The following MGMT variants were observed in gnomAD, a reference collection of about 807,000 sequenced individuals.
MGMT encodes the protein O-6-methylguanine-DNA methyltransferase, also known as methylated-DNA--protein-cysteine methyltransferase.
A neutral mutation model predicts 15.9 loss-of-function variants in MGMT; 14 were observed. That is an observed-to-expected ratio of 0.88 (90% CI 0.58 to 1.37). The LOEUF (loss-of-function observed/expected upper bound fraction) is 1.37, where lower values mean the gene tolerates loss of function less well. Ranked by LOEUF, MGMT falls within the 40% of genes most tolerant of loss-of-function variation. The pLI is 0.00. For missense variants in MGMT, 282 were observed against 268.1 expected (o/e 1.05, Z -0.36); for synonymous variants, 130 against 118.2 (o/e 1.10, Z -0.65).
intron 2 of MGMT, among the ~76,000 whole-genome samples, chr10:129,565,614 G>A (rs184569264): frequency 1.9e-4 from 29 of 152,216 alleles, no homozygotes; most frequent in South Asian, 1.7e-3. Context: ...CTAATTACAC[G>A]GTGTGTACAT....
At chr10:129,695,552 A>C (rs1009665251) in intron 2 of MGMT, among the ~76,000 whole-genome samples, 2 of 152,228 alleles carry the variant, frequency 1.3e-5, no homozygotes, top group Admixed American at 1.3e-4. Flanking sequence ...TTAAATTACG[A>C]TATATTCTCT....
At chr10:129,587,511 G>A (rs1472539738) in intron 2 of MGMT, among the ~76,000 whole-genome samples, 2 of 148,900 alleles carry the variant, frequency 1.3e-5, no homozygotes, top group Non-Finnish European at 3.0e-5. Flanking sequence ...TTTTTTTTGA[G>A]ATGGAGTCTT....
chr10:129,520,484 T>TGGTGCAGGTGCAGAGCCCCTAC (rs1215237003), intron 1 of MGMT, among the ~76,000 whole-genome samples: 14 of 105,916 alleles, frequency 1.3e-4, no homozygotes, highest in African/African-American at 6.4e-4. Flanking sequence ...AGAGCCCCTA[T>TGGTGCAGGTGCAGAGCCCCTAC]GGTGCAGGTG....
At chr10:129,611,642 G>A (rs1206982661) in intron 2 of MGMT, among the ~76,000 whole-genome samples, 1 of 152,184 alleles carries the variant, frequency 6.6e-6, no homozygotes, top group Non-Finnish European at 1.5e-5. Flanking sequence ...TGCAGTTGAG[G>A]TCTCATCCTG....
At position 129,536,332 on chromosome 10, in the gene MGMT, G is replaced by T. The variant is rs1187625712; in HGVS notation, c.80G>T (p.Gly27Val). The change falls in exon 2 of 5, where the codon GGT becomes GTT. Residue 27 changes from glycine to valine, a missense_variant. Physicochemically the swap from Gly to Val is moderately radical, Grantham distance 109. Transcript: ENST00000651593. ...CTGGAGCTGTCTGGTTGTGAGCAGG[G>T]TCTGCACGAAATAAAGCTCCTGGGC... ...GKLELSGCEQGLHEIKLLGKG... is the reference protein window; with the variant it reads ...GKLELSGCEQVLHEIKLLGKG... 3.7e-6 allele frequency: 6 copies of T among 1,614,120 alleles called. No individual in the cohort carries two copies. Among genetic ancestry groups the T allele is most frequent in the Non-Finnish European group, 2.5e-6 (3 of 1,180,044 alleles).
chr10:129,547,600 T>C (rs933293417), intron 2 of MGMT, among the ~76,000 whole-genome samples: 10 of 152,216 alleles, frequency 6.6e-5, no homozygotes, highest in Admixed American at 3.3e-4. Flanking sequence ...ATTACCGTTT[T>C]CTTGCAGTGA....
intron 2 of MGMT, among the ~76,000 whole-genome samples, chr10:129,551,009 A>G (rs972225345): frequency 8.5e-5 from 13 of 152,080 alleles, no homozygotes; most frequent in Non-Finnish European, 1.6e-4. Flanking sequence ...ACATGGAGCC[A>G]TTTCGGGTAG....
intron 2 of MGMT, among the ~76,000 whole-genome samples, chr10:129,656,776 C>A (rs1203189478): frequency 6.6e-6 from 1 of 152,078 alleles, no homozygotes; most frequent in African/African-American, 2.4e-5. Context: ...AGATGTCTTT[C>A]TCTCTGTGAG....
intron 3 of MGMT, among the ~76,000 whole-genome samples, chr10:129,731,009 G>A (rs779002676): frequency 5.3e-5 from 8 of 152,178 alleles, no homozygotes; most frequent in Non-Finnish European, 8.8e-5. Context: ...CAAGGATGTG[G>A]TGCCTCACCT....
chr10:129,665,912 G>C (rs980234554), intron 2 of MGMT, among the ~76,000 whole-genome samples: 6 of 152,160 alleles, frequency 3.9e-5, no homozygotes, highest in Non-Finnish European at 1.5e-5. Flanking sequence ...GATGAAATTG[G>C]CTATGGATTA....
intron 1 of MGMT, among the ~76,000 whole-genome samples, chr10:129,511,733 A>G (rs1845685964): frequency 6.6e-6 from 1 of 152,182 alleles, no homozygotes; most frequent in Non-Finnish European, 1.5e-5. Flanking sequence ...GAATAGGTTA[A>G]CAAGAGCCCT....
At chr10:129,483,887 T>G (rs1290303003) in intron 1 of MGMT, among the ~76,000 whole-genome samples, 3 of 152,052 alleles carry the variant, frequency 2.0e-5, no homozygotes, top group African/African-American at 4.8e-5. Context: ...TAAATAGATA[T>G]ATAGATAGAT....
intron 1 of MGMT, among the ~76,000 whole-genome samples, chr10:129,485,526 C>T (rs1273444579): frequency 6.6e-6 from 1 of 152,228 alleles, no homozygotes; most frequent in Non-Finnish European, 1.5e-5. Flanking sequence ...TGAAATGCTA[C>T]AGCATCTGAA....
intron 2 of MGMT, among the ~76,000 whole-genome samples, chr10:129,573,196 C>A (rs937506666): frequency 2.0e-5 from 3 of 152,020 alleles, no homozygotes; most frequent in African/African-American, 4.8e-5. Flanking sequence ...TATGTGAGAA[C>A]TTTTTGCATA....
At chr10:129,710,159 T>C (rs1394684463) in intron 3 of MGMT, among the ~76,000 whole-genome samples, 1 of 152,046 alleles carries the variant, frequency 6.6e-6, no homozygotes, top group African/African-American at 2.4e-5. Flanking sequence ...GGCTGGCAGG[T>C]CATGATAGGT....
intron 2 of MGMT, among the ~76,000 whole-genome samples, chr10:129,621,842 C>T (rs973430119): frequency 2.0e-5 from 3 of 152,230 alleles, no homozygotes; most frequent in Non-Finnish European, 4.4e-5. Flanking sequence ...TGTTGAATCA[C>T]TGTGAATTTG....
Position 129,624,909 on chromosome 10 carries a change from A to C in MGMT, c.126-82986A>C, listed in dbSNP as rs988919022. Among the ~76,000 whole-genome samples the C allele has an allele frequency of 3.3e-5, 5 of 152,208 alleles. No homozygotes were observed. In the East Asian group the frequency reaches 9.6e-4, roughly 29 times the overall value. ...TAGATATTAAGAAAAGTAGGAAGGAACAGTAAAAATAAGATCAGATATCAG... is the reference window on the plus strand; with the variant it reads ...TAGATATTAAGAAAAGTAGGAAGGACCAGTAAAAATAAGATCAGATATCAG... On this transcript the variant is annotated intron_variant, in intron 2 of 4. Coordinates refer to ENST00000651593, the MANE Select transcript of MGMT (RefSeq NM_002412.5).
At chr10:129,741,905 CCATCAGCCAGGTCAGGCCGTGGCTCT>C (rs1219732573) in intron 3 of MGMT, among the ~76,000 whole-genome samples, 1 of 152,220 alleles carries the variant, frequency 6.6e-6, no homozygotes, top group Admixed American at 6.5e-5. Flanking sequence ...CTCGGAGCCC[CCATCAGCCAGGTCAGGCCGTGGCTCT>C]GAGCCTAGTG....
At chr10:129,525,239 C>G (rs1845856554) in intron 1 of MGMT, among the ~76,000 whole-genome samples, 2 of 152,250 alleles carry the variant, frequency 1.3e-5, no homozygotes, top group South Asian at 2.1e-4. Context: ...CTGCATTACT[C>G]ATATTTAGTT....
Sources: allele counts gnomAD v4.1 joint callset (sites outside exome capture counted in the v4.1 genomes callset), GRCh38; gene constraint gnomAD v4.1.1; transcripts MANE v1.5; gene names NCBI Gene and HGNC (gene_info 2026-07-23, HGNC 2026-07-21).